KIAA1549: variants seen among roughly 807,000 people sequenced by gnomAD.
The protein encoded by KIAA1549 is KIAA1549, also known as UPF0606 protein KIAA1549.
KIAA1549 carries 70 observed loss-of-function variants against 156.4 expected under a neutral mutation model. That is an observed-to-expected ratio of 0.45 (90% CI 0.37 to 0.55). The LOEUF (loss-of-function observed/expected upper bound fraction) is 0.55, where lower values mean the gene tolerates loss of function less well. Among genes scored for constraint, KIAA1549 ranks in the 20% least tolerant of loss-of-function variants. KIAA1549 has a pLI of 0.00. For missense variants in KIAA1549, 2,428 were observed against 2,540.9 expected (o/e 0.96, Z 0.96); for synonymous variants, 1,103 against 1,066.4 (o/e 1.03, Z -0.67).
chr7:138,883,258 G>A (rs1260087662), intron 10 of KIAA1549, among the ~76,000 whole-genome samples: 1 of 130,222 alleles, frequency 7.7e-6, no homozygotes, highest in Admixed American at 8.1e-5. Flanking sequence ...AGGTGAAAGA[G>A]TAAGACTCCA....
At position 138,871,334 on chromosome 7, in the gene KIAA1549, C is replaced by T. The variant is rs1279908855; in HGVS notation, c.4374G>A (p.Glu1458=). 5 of 1,573,162 alleles carry T rather than the reference C, an allele frequency of 3.2e-6. No homozygotes were observed. The highest frequency in any genetic ancestry group is 4.3e-6 in the Non-Finnish European group (5 of 1,160,266). The change falls in exon 13 of 20, where the codon GAG becomes GAA. Residue 1458 remains glutamate (E), a synonymous_variant. Coordinates refer to ENST00000422774, the MANE Select transcript of KIAA1549 (RefSeq NM_001164665.2). ...CGAAGATGGAGGCTGATGAGTGCTGCTCATTTCCCGAACTGGGCAGTGGTG... is the reference window on the plus strand; with the variant it reads ...CGAAGATGGAGGCTGATGAGTGCTGTTCATTTCCCGAACTGGGCAGTGGTG... ...SGPPLPSSGN[E]QHSSASIFEH... is the part of the protein sequence containing the mutation.
chr7:138,980,059 CA>C (rs1442576339), intron 1 of KIAA1549, among the ~76,000 whole-genome samples: 2 of 152,234 alleles, frequency 1.3e-5, no homozygotes, highest in African/African-American at 4.8e-5. Context: ...CAATTCCTCC[CA>C]GCCACTGAGT....
At chr7:138,928,213 G>A (rs1051135777) in intron 1 of KIAA1549, among the ~76,000 whole-genome samples, 5 of 152,010 alleles carry the variant, frequency 3.3e-5, no homozygotes, top group Admixed American at 6.5e-5. Context: ...GAGCCACCAC[G>A]CCCGGCCTAC....
intron 10 of KIAA1549, among the ~76,000 whole-genome samples, chr7:138,890,719 C>T (rs911045810): frequency 6.6e-6 from 1 of 152,194 alleles, no homozygotes; most frequent in Admixed American, 6.5e-5. Flanking sequence ...TGAGATGGAA[C>T]GATATGCTCA....
intron 1 of KIAA1549, among the ~76,000 whole-genome samples, chr7:138,946,608 G>A (rs1406026106): frequency 5.3e-5 from 8 of 152,076 alleles, no homozygotes; most frequent in East Asian, 1.9e-4. Context: ...GAAGAACCCC[G>A]TCTCTACCAA....
rs181020644 is a variant in KIAA1549 at position 138,927,688 on chromosome 7, A to G, written c.188-8250T>C. On this transcript the variant is annotated intron_variant, in intron 1 of 19. Coordinates refer to ENST00000422774, the MANE Select transcript of KIAA1549 (RefSeq NM_001164665.2). ...CAGATCAGAGGATATGTTCACCTGT[A>G]ACTTCACTAAATTTCTCAAAGTCGT... Among the ~76,000 whole-genome samples the G allele has an allele frequency of 1.6e-3, 243 of 152,340 alleles. 5 individuals are homozygous for G. The highest frequency in any genetic ancestry group is 0.014 in the Admixed American group (209 of 15,296).
At chr7:138,946,646 G>A (rs189316016) in intron 1 of KIAA1549, among the ~76,000 whole-genome samples, 1 of 152,192 alleles carries the variant, frequency 6.6e-6, no homozygotes, top group African/African-American at 2.4e-5. Context: ...TGGTGAGGTG[G>A]TGTGCGCCTG....
chr7:138,883,230 G>A (rs930699421), intron 10 of KIAA1549, among the ~76,000 whole-genome samples: 12 of 136,962 alleles, frequency 8.8e-5, no homozygotes, highest in Admixed American at 2.3e-4. Flanking sequence ...CTGAGATCGC[G>A]CCACTGCACT....
chr7:138,845,760 T>C (rs533949299), intron 17 of KIAA1549, among the ~76,000 whole-genome samples: 1 of 152,366 alleles, frequency 6.6e-6, no homozygotes, highest in African/African-American at 2.4e-5. Flanking sequence ...AAGTTCACAG[T>C]GGCAGGCAGA....
In KIAA1549 at chr7:138,833,098, T is replaced by C. The variant is rs898289877; in HGVS notation, c.*4808A>G. 5 of 232,402 alleles carry C rather than the reference T, an allele frequency of 2.2e-5. No homozygotes were observed. The highest frequency in any genetic ancestry group is 8.8e-5 in the African/African-American group (4 of 45,432). The allele number at this position is 232,402 out of a possible 1,614,324, so 14.4% of individuals were successfully genotyped here. On this transcript the variant is annotated 3_prime_UTR_variant, in exon 20 of 20. Coordinates refer to ENST00000422774, the MANE Select transcript of KIAA1549 (RefSeq NM_001164665.2). ...CTCCTGCTCCTGTCCAGGGCAAATG[T>C]GGATAAGCAGGCTCTAGTACTGGCG...
intron 10 of KIAA1549, among the ~76,000 whole-genome samples, chr7:138,882,981 G>C (rs967764099): frequency 3.3e-5 from 5 of 151,304 alleles, no homozygotes; most frequent in African/African-American, 1.2e-4. Context: ...GCTGGGCACG[G>C]TGGCTCACAT....
At chr7:138,943,406 A>C (rs901866124) in intron 1 of KIAA1549, among the ~76,000 whole-genome samples, 4 of 152,200 alleles carry the variant, frequency 2.6e-5, no homozygotes, top group Non-Finnish European at 4.4e-5. Flanking sequence ...GTGGAAGAAA[A>C]CACCACCCAA....
chr7:138,932,784 C>T (rs891868282), intron 1 of KIAA1549, among the ~76,000 whole-genome samples: 1 of 152,134 alleles, frequency 6.6e-6, no homozygotes, highest in Non-Finnish European at 1.5e-5. Flanking sequence ...CAAGACCCTA[C>T]GGAGTCAGAA....
chr7:138,871,226 G>A lies in KIAA1549; in HGVS notation c.4482C>T (p.Ile1494=), dbSNP rs370673449. ...AGGGGCGCTGGACGGGAGGTGCCGG[G>A]ATCGGCTGCATGGCGATAAGCTGGA... ...SKIQLIAMQP[I]PAPPVQRPSP... Residue 1494 remains isoleucine (I), a synonymous_variant, in exon 13 of 20, where the codon ATC becomes ATT. Transcript: ENST00000422774. The A allele has an allele frequency of 7.3e-5, 117 of 1,613,368 alleles. 1 individual carries two copies. Among genetic ancestry groups the A allele is most frequent in the Middle Eastern group, 3.3e-4 (2 of 6,058 alleles).
intron 1 of KIAA1549, among the ~76,000 whole-genome samples, chr7:138,951,318 C>T (rs575586855): frequency 2.0e-5 from 3 of 152,236 alleles, no homozygotes; most frequent in African/African-American, 7.2e-5. Context: ...CGTGTCTTCG[C>T]CTCTCCCACT....
At chr7:138,882,223 G>T (rs890487041) in intron 10 of KIAA1549, among the ~76,000 whole-genome samples, 5 of 152,194 alleles carry the variant, frequency 3.3e-5, no homozygotes, top group African/African-American at 1.2e-4. Flanking sequence ...AAACCACAAA[G>T]ACATGAGCCC....
chr7:138,854,059 T>C (rs1810307644), intron 16 of KIAA1549, among the ~76,000 whole-genome samples: 2 of 152,122 alleles, frequency 1.3e-5, no homozygotes, highest in African/African-American at 4.8e-5. Flanking sequence ...CTACATGCCC[T>C]GATGAAAAGG....
rs1343313575 is a variant in KIAA1549 at position 138,836,288 on chromosome 7, ACAAATACTTAC to A, written c.*1607_*1617del. On this transcript the variant is annotated 3_prime_UTR_variant, in exon 20 of 20. Coordinates refer to ENST00000422774, the MANE Select transcript of KIAA1549 (RefSeq NM_001164665.2). Reference sequence around the variant, plus strand: ...TCTATGTTTAGCTATGTTTAGATACACAAATACTTACCATTGTGTTCAGTACAGTAACATGC... The same window carrying A: ...TCTATGTTTAGCTATGTTTAGATACACATTGTGTTCAGTACAGTAACATGC... The A allele has an allele frequency of 1.1e-4, 23 of 204,876 alleles. No homozygotes were observed. The highest frequency in any genetic ancestry group is 1.7e-4 in the Non-Finnish European group (17 of 100,000). 12.7% of individuals were successfully genotyped at this position (204,876 alleles called of 1,614,324 possible). A position where few individuals can be genotyped will look rare whatever the true frequency, so the allele number is the denominator to read the frequency against.
chr7:138,851,759 A>C (rs1025357323), intron 17 of KIAA1549, among the ~76,000 whole-genome samples: 1 of 152,202 alleles, frequency 6.6e-6, no homozygotes, highest in Non-Finnish European at 1.5e-5. Flanking sequence ...CATAACCTCC[A>C]AACTCAAAAC....
Sources: gnomAD v4.1 joint callset for allele counts (sites outside exome capture counted in the v4.1 genomes callset) on GRCh38, gnomAD v4.1.1 for gene constraint, MANE v1.5 for transcripts, NCBI Gene and HGNC (gene_info 2026-07-23, HGNC 2026-07-21) for gene names.